The following SNRPN variants were observed in gnomAD, a reference collection of about 807,000 sequenced individuals.
SNRPN encodes the protein small nuclear ribonucleoprotein polypeptide N, also known as small nuclear ribonucleoprotein-associated protein N.
A neutral mutation model predicts 25.2 loss-of-function variants in SNRPN; 7 were observed. That is an observed-to-expected ratio of 0.28 (90% CI 0.16 to 0.52). The LOEUF (loss-of-function observed/expected upper bound fraction) is 0.52, where lower values mean the gene tolerates loss of function less well. SNRPN is among the 20% of genes least tolerant of loss of function. SNRPN has a pLI of 0.96. For missense variants in SNRPN, 196 were observed against 322.5 expected (o/e 0.61, Z 3.00); for synonymous variants, 124 against 110.6 (o/e 1.12, Z -0.76).
At chr15:24,971,526 TTATTA>T (rs1348100666) in intron 3 of SNRPN, among the ~76,000 whole-genome samples, 1 of 151,476 alleles carries the variant, frequency 6.6e-6, no homozygotes, top group Non-Finnish European at 1.5e-5. Flanking sequence ...ATACAGGTTA[TTATTA>T]TATTATGATA....
chr15:24,844,074 T>G (rs2051965883), intron 2 of SNRPN, among the ~76,000 whole-genome samples: 1 of 152,132 alleles, frequency 6.6e-6, no homozygotes, highest in Non-Finnish European at 1.5e-5. Flanking sequence ...GGAATCCCCG[T>G]TACTCCACAT....
chr15:24,942,119 A>G (rs1450668790), intron 3 of SNRPN, among the ~76,000 whole-genome samples: 1 of 152,142 alleles, frequency 6.6e-6, no homozygotes, highest in South Asian at 2.1e-4. Context: ...AATTACTGCT[A>G]TATCTACTGA....
At chr15:24,910,679 G>A (rs2059155203) in intron 2 of SNRPN, among the ~76,000 whole-genome samples, 1 of 152,084 alleles carries the variant, frequency 6.6e-6, no homozygotes, top group Admixed American at 6.6e-5. Flanking sequence ...ATTTTTAGTA[G>A]AGATGGGGTT....
At chr15:24,957,359 T>C (rs77861095) in intron 1 of SNRPN, among the ~76,000 whole-genome samples, 2,713 of 152,276 alleles carry the variant, frequency 0.018, 74 homozygotes, top group African/African-American at 0.062. Flanking sequence ...GACAATCTTA[T>C]TGGGGTGGGG....
intron 3 of SNRPN, among the ~76,000 whole-genome samples, chr15:24,938,765 A>G (rs899172029): frequency 1.3e-5 from 2 of 152,162 alleles, no homozygotes; most frequent in African/African-American, 4.8e-5. Context: ...GGGTTAGTTT[A>G]AATAATTCTG....
chr15:24,912,542 A>G (rs2059278557), intron 2 of SNRPN: 1 of 152,178 alleles, frequency 6.6e-6, no homozygotes, highest in Non-Finnish European at 1.5e-5. Flanking sequence ...TGAGAACGAC[A>G]TGAATTCTCA....
intron 1 of SNRPN, among the ~76,000 whole-genome samples, chr15:24,877,955 G>A (rs2056145049): frequency 6.6e-6 from 1 of 152,228 alleles, no homozygotes; most frequent in South Asian, 2.1e-4. Context: ...AAAGAACGAT[G>A]TGAGTGCTAG....
intron 3 of SNRPN, among the ~76,000 whole-genome samples, chr15:24,945,637 G>A (rs887729733): frequency 1.3e-5 from 2 of 152,126 alleles, no homozygotes; most frequent in African/African-American, 4.8e-5. Flanking sequence ...CATAGGCATG[G>A]TAAGAATATG....
chr15:24,974,572 G>A (rs2076845765), intron 4 of SNRPN, 116 bp downstream of exon 4: 1 of 952,902 alleles, frequency 1.0e-6, no homozygotes, highest in Non-Finnish European at 1.7e-6. Context: ...ATACATCCAT[G>A]GATATGGATT....
At chr15:24,943,028 CTT>C (rs555593497) in intron 3 of SNRPN, among the ~76,000 whole-genome samples, 3 of 145,648 alleles carry the variant, frequency 2.1e-5, no homozygotes, top group Admixed American at 6.9e-5. Flanking sequence ...ATGTCTTTAC[CTT>C]TTTTTTTTTT....
At chr15:24,919,095 A>C (rs1196167531) in intron 2 of SNRPN, among the ~76,000 whole-genome samples, 1 of 149,236 alleles carries the variant, frequency 6.7e-6, no homozygotes, top group Non-Finnish European at 1.5e-5. Context: ...GCATATATAT[A>C]TAACATAGCC....
intron 7 of SNRPN, 52 bp downstream of exon 7, chr15:24,977,081 G>A: frequency 7.0e-7 from 1 of 1,432,824 alleles, no homozygotes; most frequent in East Asian, 2.4e-5. Context: ...GACTAAGCCG[G>A]AGGCCGAGGA....
intron 1 of SNRPN, among the ~76,000 whole-genome samples, chr15:24,884,894 G>A (rs1438156442): frequency 6.6e-6 from 1 of 152,114 alleles, no homozygotes; most frequent in Non-Finnish European, 1.5e-5. Context: ...GATGCAGAGT[G>A]CACTGAAAAG....
rs139530727 is a variant in SNRPN at position 24,868,121 on chromosome 15, G to GTGTATATA, written c.-579+11406_-579+11407insGTATATAT. Among the ~76,000 whole-genome samples the GTGTATATA allele has an allele frequency of 3.4e-5, 5 of 145,916 alleles. No individual in the cohort carries two copies. The East Asian group carries it at 6.0e-4, about 18-fold the overall frequency. ...TGTGCATGTATATGGGTGTGTGTGTGTATATATATATATATACACACACAC... is the reference window on the plus strand; with the variant it reads ...TGTGCATGTATATGGGTGTGTGTGTGTGTATATATATATATATATATATACACACACAC... On this transcript the variant is annotated intron_variant, in intron 1 of 11. Transcript: ENST00000400097.
intron 3 of SNRPN, among the ~76,000 whole-genome samples, chr15:24,937,629 C>T (rs1195271637): frequency 6.6e-6 from 1 of 152,168 alleles, no homozygotes; most frequent in Non-Finnish European, 1.5e-5. Flanking sequence ...ATTGTAAAAA[C>T]ATTACATAAA....
intron 1 of SNRPN, among the ~76,000 whole-genome samples, chr15:24,955,656 A>T (rs1402388495): frequency 0.011 from 580 of 54,000 alleles, 4 homozygotes; most frequent in African/African-American, 0.042. Flanking sequence ...GCAGTGGACC[A>T]GGGGGATGAG....
intron 1 of SNRPN, among the ~76,000 whole-genome samples, chr15:24,862,775 G>A (rs2054110811): frequency 6.6e-6 from 1 of 150,862 alleles, no homozygotes; most frequent in South Asian, 2.1e-4. Flanking sequence ...GAGGAGCATT[G>A]GAGGAGATGC....
chr15:24,920,308 AT>A (rs749935946), intron 3 of SNRPN, among the ~76,000 whole-genome samples: 1 of 151,994 alleles, frequency 6.6e-6, no homozygotes, highest in Non-Finnish European at 1.5e-5. Context: ...TAATTTAATT[AT>A]TTCCCCATTT....
intron 2 of SNRPN, among the ~76,000 whole-genome samples, chr15:24,900,319 T>C (rs1051783578): frequency 1.1e-4 from 17 of 152,176 alleles, no homozygotes; most frequent in African/African-American, 3.9e-4. Flanking sequence ...GGGCTGATAT[T>C]GTTAAATATC....
Sources: gnomAD v4.1 joint callset for allele counts (sites outside exome capture counted in the v4.1 genomes callset) on GRCh38, gnomAD v4.1.1 for gene constraint, MANE v1.5 for transcripts, NCBI Gene and HGNC (gene_info 2026-07-23, HGNC 2026-07-21) for gene names.